Variants in TAFA4 observed in about 807,000 individuals in gnomAD.
TAFA4 encodes TAFA chemokine like family member 4.
A neutral mutation model predicts 21.1 loss-of-function variants in TAFA4; 20 were observed. The ratio of observed to expected loss-of-function variants is 0.95; its 90% CI spans 0.67 to 1.38. The LOEUF (loss-of-function observed/expected upper bound fraction) is 1.38. Ranked by LOEUF, TAFA4 falls within the 40% of genes most tolerant of loss-of-function variation. The pLI is 0.00. For missense variants in TAFA4, 211 were observed against 180.9 expected (o/e 1.17, Z -0.95); for synonymous variants, 71 against 67.4 (o/e 1.05, Z -0.26).
chr3:68,867,917 G>C (rs564322742), intron 3 of TAFA4, among the ~76,000 whole-genome samples: 1 of 151,994 alleles, frequency 6.6e-6, no homozygotes, highest in African/African-American at 2.4e-5. Context: ...AGAGGAAGAA[G>C]ACAGTAACAA....
chr3:68,864,963 G>A (rs1036595015), intron 3 of TAFA4, among the ~76,000 whole-genome samples: 1 of 152,118 alleles, frequency 6.6e-6, no homozygotes, highest in African/African-American at 2.4e-5. Context: ...TGGTGGGAAG[G>A]AAAGAGGAGC....
chr3:68,796,794 A>G (rs1452514333), intron 3 of TAFA4, among the ~76,000 whole-genome samples: 1 of 152,162 alleles, frequency 6.6e-6, no homozygotes, highest in Non-Finnish European at 1.5e-5. Context: ...AAGACAAGGA[A>G]TCAAACACCC....
chr3:68,877,869 T>C (rs2089570269), intron 3 of TAFA4, among the ~76,000 whole-genome samples: 1 of 152,210 alleles, frequency 6.6e-6, no homozygotes, highest in Admixed American at 6.5e-5. Context: ...CTGCCATTTA[T>C]GGAATGTTTA....
chr3:68,927,893 C>CAAAAAAAAAAAAAAAAAA (rs1209770129), intron 1 of TAFA4, among the ~76,000 whole-genome samples: 6 of 123,498 alleles, frequency 4.9e-5, no homozygotes, highest in African/African-American at 1.5e-4. Context: ...GACACCATCT[C>CAAAAAAAAAAAAAAAAAA]AAAAAAAAAA....
intron 3 of TAFA4, among the ~76,000 whole-genome samples, chr3:68,871,393 T>G (rs1023332540): frequency 6.6e-6 from 1 of 152,038 alleles, no homozygotes; most frequent in African/African-American, 2.4e-5. Flanking sequence ...AGAACAAAGC[T>G]AGACCCCTAT....
chr3:68,762,087 T>C (rs1215104221), intron 3 of TAFA4, among the ~76,000 whole-genome samples: 1 of 151,290 alleles, frequency 6.6e-6, no homozygotes, highest in Non-Finnish European at 1.5e-5. Flanking sequence ...GGCGTATGTA[T>C]CTAGTATTAA....
chr3:68,754,041 A>C (rs1382041071), intron 3 of TAFA4, among the ~76,000 whole-genome samples: 1 of 152,192 alleles, frequency 6.6e-6, no homozygotes, highest in East Asian at 1.9e-4. Context: ...TCACCAGTTA[A>C]TATGTGGCCC....
chr3:68,884,334 C>T (rs2089649357), intron 2 of TAFA4, among the ~76,000 whole-genome samples: 1 of 152,148 alleles, frequency 6.6e-6, no homozygotes, highest in Admixed American at 6.5e-5. Context: ...GGACATTTCT[C>T]CCCGCCTTCT....
chr3:68,865,785 T>C (rs1375725845), intron 3 of TAFA4, among the ~76,000 whole-genome samples: 4 of 151,976 alleles, frequency 2.6e-5, no homozygotes, highest in East Asian at 1.9e-4. Flanking sequence ...GCTAGAACTA[T>C]AGGCACTTAC....
intron 3 of TAFA4, among the ~76,000 whole-genome samples, chr3:68,757,219 G>A (rs1277930405): frequency 1.3e-5 from 2 of 152,030 alleles, no homozygotes; most frequent in Non-Finnish European, 2.9e-5. Context: ...TCTCCTCCTG[G>A]CTTGCAGTCA....
chr3:68,919,284 T>G (rs1248539819), intron 1 of TAFA4, among the ~76,000 whole-genome samples: 1 of 152,140 alleles, frequency 6.6e-6, no homozygotes, highest in East Asian at 1.9e-4. Context: ...GCAGCCCCCG[T>G]CAGGACAGAG....
At chr3:68,808,913 A>G (rs373187766) in intron 3 of TAFA4, among the ~76,000 whole-genome samples, 120 of 152,246 alleles carry the variant, frequency 7.9e-4, no homozygotes, top group African/African-American at 2.7e-3. Context: ...TACCTGGAAC[A>G]TTGCTGCTTA....
At chr3:68,801,244 C>T (rs1436458325) in intron 3 of TAFA4, among the ~76,000 whole-genome samples, 1 of 152,000 alleles carries the variant, frequency 6.6e-6, no homozygotes, top group Non-Finnish European at 1.5e-5. Flanking sequence ...CATCCACGTC[C>T]CCCTGGGCCA....
intron 3 of TAFA4, among the ~76,000 whole-genome samples, chr3:68,759,360 A>C (rs182535904): frequency 9.2e-5 from 14 of 152,360 alleles, no homozygotes; most frequent in Non-Finnish European, 1.5e-4. Context: ...CCCAGTCAAG[A>C]TAACACAGAA....
intron 3 of TAFA4, among the ~76,000 whole-genome samples, chr3:68,807,597 C>T (rs974607058): frequency 6.6e-6 from 1 of 152,172 alleles, no homozygotes; most frequent in Admixed American, 6.5e-5. Context: ...GGCAAAAACA[C>T]ACTTGTAATT....
intron 3 of TAFA4, among the ~76,000 whole-genome samples, chr3:68,809,604 C>A (rs1703787516): frequency 6.8e-6 from 1 of 147,178 alleles, no homozygotes; most frequent in African/African-American, 2.5e-5. Flanking sequence ...GTTGCCAGTG[C>A]TCTGGGATCA....
chr3:68,872,180 C>T (rs556726411), intron 3 of TAFA4, among the ~76,000 whole-genome samples: 1 of 151,562 alleles, frequency 6.6e-6, no homozygotes, highest in Non-Finnish European at 1.5e-5. Flanking sequence ...ATGGATAAAG[C>T]AAATGTGGTA....
intron 3 of TAFA4, among the ~76,000 whole-genome samples, chr3:68,866,524 T>G (rs1480725074): frequency 6.6e-6 from 1 of 151,630 alleles, no homozygotes; most frequent in African/African-American, 2.4e-5. Flanking sequence ...TAGACATATA[T>G]TCACGAGAAA....
At position 68,917,429 on chromosome 3, in the gene TAFA4, C is replaced by G. The variant is rs111647237; in HGVS notation, c.-123+14811G>C. On this transcript the variant is annotated intron_variant, in intron 1 of 5. Coordinates refer to ENST00000295569, the MANE Select transcript of TAFA4 (RefSeq NM_182522.5). ...GCTCAAAGCAGAATCAGAGACCTCC[C>G]CCCCTGTGTGTCAGTGTGGAACAGA... Among the ~76,000 whole-genome samples, 932 of 152,154 alleles carry G rather than the reference C, an allele frequency of 6.1e-3. 12 individuals carry two copies. The highest frequency in any genetic ancestry group is 0.021 in the African/African-American group (884 of 41,506).
Sources: allele counts gnomAD v4.1 joint callset (sites outside exome capture counted in the v4.1 genomes callset), GRCh38; gene constraint gnomAD v4.1.1; transcripts MANE v1.5; gene names NCBI Gene and HGNC (gene_info 2026-07-23, HGNC 2026-07-21).